SLC6A12: variants seen among roughly 807,000 people sequenced by gnomAD.
SLC6A12 encodes solute carrier family 6 member 12.
In SLC6A12, 50 loss-of-function variants were observed where a neutral mutation model predicts 73.3. The ratio of observed to expected loss-of-function variants is 0.68; its 90% CI spans 0.54 to 0.86. The LOEUF (loss-of-function observed/expected upper bound fraction) is 0.86. Among genes scored for constraint, SLC6A12 ranks in the 40% least tolerant of loss-of-function variants. The pLI, the probability that SLC6A12 is intolerant of heterozygous loss-of-function variation, is 0.00. For synonymous variants in SLC6A12, 304 were observed against 309.2 expected, an observed-to-expected ratio of 0.98 and a Z score of 0.18; for missense variants, 648 against 772.8, an observed-to-expected ratio of 0.84 and a Z score of 1.92.
intron 4 of SLC6A12, among the ~76,000 whole-genome samples, chr12:203,092 A>T (rs1591796643): frequency 1.4e-5 from 1 of 69,800 alleles, no homozygotes; most frequent in African/African-American, 5.9e-5. Flanking sequence ...TTTGAGATGG[A>T]GTCTTGTTCT....
intron 9 of SLC6A12, among the ~76,000 whole-genome samples, 174 bp from the exon 10 acceptor site, chr12:197,675 A>G (rs901069167): frequency 2.0e-5 from 3 of 152,140 alleles, no homozygotes; most frequent in Non-Finnish European, 4.4e-5. Context: ...GGAAGAAGAC[A>G]GTAGAAGAAA....
At chr12:187,843 G>A (rs574841900), downstream of SLC6A12, among the ~76,000 whole-genome samples, 1 of 152,220 alleles carries the variant, frequency 6.6e-6, no homozygotes, top group East Asian at 1.9e-4. Context: ...GCCTGAGCTA[G>A]ACACAAAGGT....
rs773713650 is a variant in SLC6A12 at position 209,834 on chromosome 12, C to T, written c.153G>A (p.Gly51=). 14 of 1,614,098 alleles carry T rather than the reference C, an allele frequency of 8.7e-6. No homozygotes were observed. Among genetic ancestry groups the T allele is most frequent in the Non-Finnish European group, 1.2e-5 (14 of 1,180,040 alleles). The part of the protein sequence containing the change: ...NKMEFVLSVA[G]EIIGLGNVWR... ...AGACATTGCCCAGCCCAATGATCTC[C>T]CCGGCCACTGACAGCACAAACTCCA... is the stretch of plus-strand genomic sequence containing the variant. The change falls in exon 3 of 16, where the codon GGG becomes GGA. Residue 51 remains glycine (G), a synonymous_variant. Coordinates refer to ENST00000684302, the MANE Select transcript of SLC6A12 (RefSeq NM_001122848.3).
chr12:210,091 C>A (rs1158204568), intron 2 of SLC6A12, 48 bp from the exon 3 acceptor site: 2 of 1,496,182 alleles, frequency 1.3e-6, no homozygotes, highest in Non-Finnish European at 1.8e-6. Context: ...ATGCTCCCGC[C>A]AGCCCTGCTT....
intron 7 of SLC6A12, 165 bp from the exon 8 acceptor site, chr12:199,096 A>T: frequency 2.7e-6 from 1 of 372,256 alleles, no homozygotes; most frequent in East Asian, 7.7e-5. Flanking sequence ...TACACATTCC[A>T]GTGGGTCTGT....
intron 7 of SLC6A12, 107 bp downstream of exon 7, chr12:200,544 G>T: frequency 8.0e-7 from 1 of 1,250,336 alleles, no homozygotes; most frequent in Non-Finnish European, 1.1e-6. Context: ...TGCTCAGGAA[G>T]TGTAGTTTCT....
At chr12:192,226 C>T (rs570836158) in intron 15 of SLC6A12, among the ~76,000 whole-genome samples, 2 of 152,342 alleles carry the variant, frequency 1.3e-5, no homozygotes, top group South Asian at 4.1e-4. Flanking sequence ...AGTTTGCCCT[C>T]CGTTAGCCTG....
rs370878793 is a variant in SLC6A12 at position 198,788 on chromosome 12, G to A, written c.846+9C>T. ...GCACCTGGGGAAGTGGTCCCAGCAC[G>A]GTACATACCTGAGGGTCCTTGAGGC... On this transcript the variant is annotated intron_variant, in intron 8 of 15. Coordinates refer to ENST00000684302, the MANE Select transcript of SLC6A12 (RefSeq NM_001122848.3). The surrounding 1 kb of genome is among the most constrained non-coding windows in gnomAD (Gnocchi z 4.0). 112 of 1,613,920 alleles carry A rather than the reference G, an allele frequency of 6.9e-5. No homozygotes were observed. In the African/African-American group the frequency reaches 1.2e-3, roughly 18 times the overall value.
At position 207,398 on chromosome 12, in the gene SLC6A12, C is replaced by A. The variant is rs541893750; in HGVS notation, c.214+2375G>T. On this transcript the variant is annotated intron_variant, in intron 3 of 15. Coordinates refer to ENST00000684302, the MANE Select transcript of SLC6A12 (RefSeq NM_001122848.3). ...CTCACAACCCGGATAATGGGAACTTCCTAAAGTTCTCTTTTGAGGTGAGTG... is the reference window on the plus strand; with the variant it reads ...CTCACAACCCGGATAATGGGAACTTACTAAAGTTCTCTTTTGAGGTGAGTG... Among the ~76,000 whole-genome samples the A allele has an allele frequency of 5.2e-4, 79 of 152,334 alleles. 1 individual carries two copies. The highest frequency in any genetic ancestry group is 1.9e-3 in the African/African-American group (78 of 41,572).
downstream of SLC6A12, among the ~76,000 whole-genome samples, chr12:187,107 G>A (rs1197062190): frequency 2.0e-5 from 3 of 152,220 alleles, no homozygotes; most frequent in African/African-American, 4.8e-5. Flanking sequence ...ATGCCTCAGG[G>A]CTTCTGCTGC....
intron 3 of SLC6A12, among the ~76,000 whole-genome samples, chr12:205,485 C>T (rs952273108): frequency 2.0e-4 from 31 of 152,322 alleles, no homozygotes; most frequent in African/African-American, 7.2e-4. Context: ...GGGGCAGGCT[C>T]TACTGTTATC....
downstream of SLC6A12, among the ~76,000 whole-genome samples, chr12:187,655 T>C (rs540684682): frequency 3.4e-4 from 44 of 129,564 alleles, no homozygotes; most frequent in East Asian, 1.2e-3. Context: ...CAGCACCCAC[T>C]GCACACAACG....
chr12:184,983 T>A, the SLC6A12 span, among the ~76,000 whole-genome samples: 12 of 151,360 alleles, frequency 7.9e-5, no homozygotes, highest in Admixed American at 6.6e-4. Context: ...ATGTTAGGGT[T>A]CCTGTCAAAA....
intron 7 of SLC6A12, chr12:199,139 G>C (rs934081549): frequency 1.6e-5 from 8 of 495,560 alleles, no homozygotes; most frequent in African/African-American, 1.6e-4. Context: ...CACATCAGCA[G>C]GGGGAGGGTG....
intron 7 of SLC6A12, among the ~76,000 whole-genome samples, chr12:199,498 G>T (rs140439710): frequency 6.6e-6 from 1 of 152,060 alleles, no homozygotes; most frequent in Non-Finnish European, 1.5e-5. Context: ...GAGCAGCGGC[G>T]GCCGGAGCTC....
At position 195,206 on chromosome 12, in the gene SLC6A12, C is replaced by T. The variant is rs759621859; in HGVS notation, c.1429+19G>A. On this transcript the variant is annotated intron_variant, in intron 13 of 15. Transcript: ENST00000684302. ...TCTTTCTCCCACCCTGCTTTCCCACCCCACTCCACCCCACTCACCATACAC... is the reference window on the plus strand; with the variant it reads ...TCTTTCTCCCACCCTGCTTTCCCACTCCACTCCACCCCACTCACCATACAC... 14 of 1,515,818 alleles carry T rather than the reference C, an allele frequency of 9.2e-6. No individual in the cohort carries two copies. Among genetic ancestry groups the T allele is most frequent in the Admixed American group, 1.7e-5 (1 of 59,742 alleles). 93.9% of individuals were successfully genotyped at this position (1,515,818 alleles called of 1,614,324 possible). A position where few individuals can be genotyped will look rare whatever the true frequency, so the allele number is the denominator to read the frequency against.
At chr12:202,999 G>A in intron 4 of SLC6A12, 119 bp from the exon 5 acceptor site, 1 of 740,996 alleles carries the variant, frequency 1.3e-6, no homozygotes, top group Non-Finnish European at 2.2e-6. Flanking sequence ...GAGCACCATT[G>A]GGGTTTATCC....
chr12:188,171 G>A (rs1204425487), downstream of SLC6A12, among the ~76,000 whole-genome samples: 1 of 152,174 alleles, frequency 6.6e-6, no homozygotes, highest in Non-Finnish European at 1.5e-5. Flanking sequence ...AGCAGGGGGC[G>A]GCGCTGGTCG....
chr12:196,719 G>T, intron 11 of SLC6A12, 51 bp downstream of exon 11: 2 of 1,311,664 alleles, frequency 1.5e-6, no homozygotes, highest in Non-Finnish European at 1.1e-6. Flanking sequence ...GACAAGCAAA[G>T]GCTTGCAAGA....
Sources: allele counts gnomAD v4.1 joint callset (sites outside exome capture counted in the v4.1 genomes callset), GRCh38; gene constraint gnomAD v4.1.1; non-coding constraint Gnocchi (gnomAD v3.1); transcripts MANE v1.5; gene names NCBI Gene and HGNC (gene_info 2026-07-23, HGNC 2026-07-21).